Variants in FBXL2 observed in about 807,000 individuals in gnomAD.
FBXL2 encodes the protein F-box and leucine rich repeat protein 2.
Under a neutral mutation model 69.2 loss-of-function variants are expected in FBXL2, and 38 were observed. The observed-to-expected ratio is 0.55, with a 90% confidence interval of 0.42 to 0.72. The LOEUF is 0.72. FBXL2 is among the 30% of genes least tolerant of loss of function. The pLI is 0.00. For synonymous variants in FBXL2, 192 were observed against 201.3 expected, an observed-to-expected ratio of 0.95 and a Z score of 0.39; for missense variants, 354 against 520.3, an observed-to-expected ratio of 0.68 and a Z score of 3.11.
chr3:33,306,293 G>T (rs1310201293), intron 2 of FBXL2, among the ~76,000 whole-genome samples: 1 of 151,972 alleles, frequency 6.6e-6, no homozygotes, highest in East Asian at 1.9e-4. Context: ...TATAGTCAGA[G>T]AACTACACAA....
chr3:33,374,101 C>T (rs897802727), intron 9 of FBXL2, among the ~76,000 whole-genome samples, 180 bp downstream of exon 9: 2 of 152,112 alleles, frequency 1.3e-5, no homozygotes, highest in African/African-American at 4.8e-5. Flanking sequence ...ACAACAACAA[C>T]AAAAAGGAAT....
At chr3:33,361,457 G>A (rs1038787186) in intron 4 of FBXL2, among the ~76,000 whole-genome samples, 28 of 152,278 alleles carry the variant, frequency 1.8e-4, no homozygotes, top group African/African-American at 6.5e-4. Context: ...GTTGCAATGA[G>A]CTCTGATTGT....
chr3:33,372,972 G>T, intron 5 of FBXL2, 120 bp from the exon 6 acceptor site: 1 of 840,242 alleles, frequency 1.2e-6, no homozygotes, highest in Non-Finnish European at 2.1e-6. Context: ...AACCCTAGCT[G>T]ATTGTTACGC....
intron 13 of FBXL2, among the ~76,000 whole-genome samples, chr3:33,380,659 G>A (rs112981786): frequency 0.018 from 2,722 of 151,630 alleles, 33 homozygotes; most frequent in South Asian, 0.026. Flanking sequence ...TGTCCTTTTT[G>A]AGAAATTCTT....
At chr3:33,375,833 C>A (rs2042597921) in intron 10 of FBXL2, among the ~76,000 whole-genome samples, 5 of 152,112 alleles carry the variant, frequency 3.3e-5, no homozygotes, top group Non-Finnish European at 7.4e-5. Flanking sequence ...TACTTAGCTT[C>A]TTCCCCAGTA....
the FBXL2 span, among the ~76,000 whole-genome samples, chr3:33,417,818 G>A: frequency 6.6e-6 from 1 of 152,242 alleles, no homozygotes; most frequent in African/African-American, 2.4e-5. Context: ...CCAACACCTT[G>A]TCCATACTCC....
chr3:33,402,390 T>C (rs2044262225), intron 12 of FBXL2, among the ~76,000 whole-genome samples: 1 of 152,190 alleles, frequency 6.6e-6, no homozygotes, highest in South Asian at 2.1e-4. Context: ...GCATATCTAT[T>C]GGGAGAGAAA....
rs1446417602 is a variant in FBXL2 at position 33,284,258 on chromosome 3, C to G, written c.3+6743C>G. 9.2e-5 allele frequency among the ~76,000 whole-genome samples: 14 copies of G among 152,190 alleles called. No homozygotes were observed. The South Asian group carries it at 2.7e-3, about 29-fold the overall frequency. ...GATTCTGGTATGTTGTGTCTTTGCT[C>G]TCATTGGTTTCAAAGAACATCTTTA... On this transcript the variant is annotated intron_variant, in intron 1 of 14. Coordinates refer to ENST00000484457, the MANE Select transcript of FBXL2 (RefSeq NM_012157.5).
At chr3:33,296,127 G>A (rs973889718) in intron 1 of FBXL2, among the ~76,000 whole-genome samples, 9 of 152,032 alleles carry the variant, frequency 5.9e-5, no homozygotes, top group East Asian at 3.9e-4. Flanking sequence ...GTGCAGTGGC[G>A]TGATCTTGGC....
chr3:33,303,465 CT>C (rs1293786971), intron 2 of FBXL2, among the ~76,000 whole-genome samples: 1 of 152,100 alleles, frequency 6.6e-6, no homozygotes, highest in African/African-American at 2.4e-5. Context: ...TATATGAAAA[CT>C]CTGAGGATGA....
the FBXL2 span, chr3:33,409,097 C>A: frequency 1.2e-6 from 1 of 836,728 alleles, no homozygotes; most frequent in Non-Finnish European, 1.9e-6. Flanking sequence ...TAAATATTTT[C>A]CCCAGAAATT....
At chr3:33,294,177 G>A (rs1031704483) in intron 1 of FBXL2, among the ~76,000 whole-genome samples, 9 of 151,996 alleles carry the variant, frequency 5.9e-5, no homozygotes, top group African/African-American at 2.2e-4. Flanking sequence ...GCTCACTGTG[G>A]GCTCAATCTC....
intron 1 of FBXL2, among the ~76,000 whole-genome samples, chr3:33,284,494 A>G (rs1575587162): frequency 6.6e-6 from 1 of 152,176 alleles, no homozygotes; most frequent in Non-Finnish European, 1.5e-5. Flanking sequence ...AATAAGTGCA[A>G]TGTGATGCTG....
At chr3:33,310,870 GT>G (rs1475963542) in intron 2 of FBXL2, among the ~76,000 whole-genome samples, 1 of 152,080 alleles carries the variant, frequency 6.6e-6, no homozygotes, top group Admixed American at 6.6e-5. Flanking sequence ...CGCCTCCTGG[GT>G]TCAAGTGATT....
At chr3:33,401,934 G>C (rs750688303) in intron 12 of FBXL2, among the ~76,000 whole-genome samples, 2 of 152,150 alleles carry the variant, frequency 1.3e-5, no homozygotes, top group Non-Finnish European at 2.9e-5. Context: ...CTGAGTCCAA[G>C]GCTATTTTTC....
the FBXL2 span, chr3:33,412,918 G>A: frequency 2.8e-5 from 23 of 809,990 alleles, no homozygotes; most frequent in Non-Finnish European, 3.2e-5. Flanking sequence ...ACCTGTAGCA[G>A]TAGAACACAT....
At chr3:33,300,211 G>A (rs1037510413) in intron 2 of FBXL2, among the ~76,000 whole-genome samples, 4 of 152,060 alleles carry the variant, frequency 2.6e-5, no homozygotes, top group Admixed American at 1.3e-4. Flanking sequence ...TCCTTCTGGT[G>A]GGGTTTGCTT....
chr3:33,307,203 G>A (rs1429800620), intron 2 of FBXL2, among the ~76,000 whole-genome samples: 2 of 152,152 alleles, frequency 1.3e-5, no homozygotes, highest in Non-Finnish European at 2.9e-5. Context: ...AATACAGATA[G>A]ACATCATATG....
intron 1 of FBXL2, among the ~76,000 whole-genome samples, chr3:33,291,312 TAAAGATA>T (rs1333418734): frequency 6.6e-6 from 1 of 152,092 alleles, no homozygotes; most frequent in East Asian, 1.9e-4. Flanking sequence ...GAAGGAGAAA[TAAAGATA>T]TTTTTGACAG....
Sources: gnomAD v4.1 joint callset for allele counts (sites outside exome capture counted in the v4.1 genomes callset) on GRCh38, gnomAD v4.1.1 for gene constraint, MANE v1.5 for transcripts, NCBI Gene and HGNC (gene_info 2026-07-23, HGNC 2026-07-21) for gene names.